Variants in NR2C2 observed in about 807,000 individuals in gnomAD.
The protein encoded by NR2C2 is Nuclear hormone receptor TR4.
Under a neutral mutation model 62.9 loss-of-function variants are expected in NR2C2, and 6 were observed. That is an observed-to-expected ratio of 0.10 (90% CI 0.05 to 0.19). The LOEUF is 0.19. NR2C2 is among the 10% of genes least tolerant of loss of function. NR2C2 has a pLI of 1.00. For missense variants in NR2C2, 479 were observed against 762.7 expected, an observed-to-expected ratio of 0.63 and a Z score of 4.38; for synonymous variants, 272 against 273.8, an observed-to-expected ratio of 0.99 and a Z score of 0.07.
intron 10 of NR2C2, among the ~76,000 whole-genome samples, chr3:15,032,734 T>C (rs931006498): frequency 6.6e-6 from 1 of 152,164 alleles, no homozygotes; most frequent in Non-Finnish European, 1.5e-5. Flanking sequence ...AAGGATTTGG[T>C]GCTAGGAGCT....
At chr3:14,968,058 C>T (rs936317635) in intron 1 of NR2C2, among the ~76,000 whole-genome samples, 4 of 152,156 alleles carry the variant, frequency 2.6e-5, no homozygotes, top group Non-Finnish European at 4.4e-5. Context: ...TAGGCATTAC[C>T]ATTCAGGACA....
At chr3:15,009,687 C>T (rs772570318) in intron 2 of NR2C2, among the ~76,000 whole-genome samples, 19 of 152,170 alleles carry the variant, frequency 1.2e-4, no homozygotes, top group Non-Finnish European at 2.4e-4. Context: ...AAATTTGCCT[C>T]TTGTATTAGT....
chr3:15,029,967 T>C (rs1345489197), intron 8 of NR2C2, among the ~76,000 whole-genome samples: 1 of 151,780 alleles, frequency 6.6e-6, no homozygotes, highest in Non-Finnish European at 1.5e-5. Context: ...AAGAAAGAAA[T>C]TGTCCATGAA....
At position 15,047,902 on chromosome 3, in the gene NR2C2, AAGC is replaced by A. The variant is rs2042512133; in HGVS notation, c.*4895_*4897del. On this transcript the variant is annotated 3_prime_UTR_variant, in exon 14 of 14. Transcript: ENST00000425241. ...TTAATATGGATATGTGTGCCCTTAA[AAGC>A]TACAGATACCAAATTTTCCTCGTCC... 1 of 152,226 alleles carries A rather than the reference AAGC, an allele frequency of 6.6e-6. No homozygotes were observed. Among genetic ancestry groups the A allele is most frequent in the Admixed American group, 6.5e-5 (1 of 15,278 alleles). The allele number at this position is 152,226 out of a possible 1,614,324, so 9.4% of individuals were successfully genotyped here.
intron 1 of NR2C2, among the ~76,000 whole-genome samples, chr3:14,950,558 T>C (rs2039324900): frequency 8.4e-6 from 1 of 119,040 alleles, no homozygotes. Context: ...ACCTCAGATA[T>C]TGGCTCAAGC....
intron 1 of NR2C2, among the ~76,000 whole-genome samples, chr3:14,954,825 G>A (rs1440921749): frequency 6.6e-6 from 1 of 151,772 alleles, no homozygotes; most frequent in Non-Finnish European, 1.5e-5. Flanking sequence ...GTTCATTTAC[G>A]ATTTGTGCCT....
intron 1 of NR2C2, among the ~76,000 whole-genome samples, chr3:14,955,772 C>T (rs1357204288): frequency 6.6e-6 from 1 of 152,184 alleles, no homozygotes; most frequent in Non-Finnish European, 1.5e-5. Flanking sequence ...TGAAGAAAGT[C>T]CACATCACCC....
chr3:15,046,436 G>C lies in NR2C2; in HGVS notation c.*3428G>C, dbSNP rs1434501417. On this transcript the variant is annotated 3_prime_UTR_variant, in exon 14 of 14. Coordinates refer to ENST00000425241, the MANE Select transcript of NR2C2 (RefSeq NM_001291694.2). Reference sequence around the variant, plus strand: ...TCTTACTTGTTTGGGGGATAGTTACGGCAAGGAGCAAAAAATTCTAAGGAC... The same window carrying C: ...TCTTACTTGTTTGGGGGATAGTTACCGCAAGGAGCAAAAAATTCTAAGGAC... 6.6e-6 allele frequency: 1 copy of C among 152,188 alleles called. No individual in the cohort carries two copies. The highest frequency in any genetic ancestry group is 1.5e-5 in the Non-Finnish European group (1 of 68,026). The allele number at this position is 152,188 out of a possible 1,614,324, so 9.4% of individuals were successfully genotyped here. A position where few individuals can be genotyped will look rare whatever the true frequency, so the allele number is the denominator to read the frequency against.
intron 1 of NR2C2, among the ~76,000 whole-genome samples, chr3:14,954,869 C>T (rs557585385): frequency 1.3e-5 from 2 of 152,252 alleles, no homozygotes; most frequent in African/African-American, 2.4e-5. Context: ...CTCCCTCTGC[C>T]GCCCAGGCCG....
At position 15,028,735 on chromosome 3, in the gene NR2C2, G is replaced by A. The variant is rs576071374; in HGVS notation, c.932+16G>A. 21 of 1,611,404 alleles carry A rather than the reference G, an allele frequency of 1.3e-5. No homozygotes were observed. The East Asian group carries it at 3.8e-4, about 29-fold the overall frequency. On this transcript the variant is annotated intron_variant, in intron 8 of 13. Coordinates refer to ENST00000425241, the MANE Select transcript of NR2C2 (RefSeq NM_001291694.2). ...AGATAACTCGGTACGAGCCCATGAG[G>A]ATGGAGTCTCCCCTCCTCGCCTGGA...
chr3:14,957,259 C>T (rs188236238), intron 1 of NR2C2, among the ~76,000 whole-genome samples: 15 of 151,608 alleles, frequency 9.9e-5, no homozygotes, highest in Admixed American at 4.6e-4. Context: ...TCACTCATTC[C>T]TATTAATGAA....
intron 2 of NR2C2, among the ~76,000 whole-genome samples, chr3:15,009,623 T>G (rs1559289300): frequency 6.6e-6 from 1 of 152,136 alleles, no homozygotes; most frequent in Non-Finnish European, 1.5e-5. Context: ...TCCCCCCAGT[T>G]TGTTATAGTT....
chr3:14,959,259 G>A (rs761918709), intron 1 of NR2C2: 17 of 152,028 alleles, frequency 1.1e-4, no homozygotes, highest in African/African-American at 1.9e-4. Context: ...AAATGTCCAC[G>A]CTGCCCCACT....
intron 1 of NR2C2, among the ~76,000 whole-genome samples, chr3:14,982,543 C>T (rs1321453584): frequency 6.6e-6 from 1 of 152,000 alleles, no homozygotes; most frequent in Admixed American, 6.6e-5. Flanking sequence ...AAATTAAGCA[C>T]GTCTTTATTT....
Position 14,947,709 on chromosome 3 carries a change from C to A in NR2C2, c.-237C>A. The A allele has an allele frequency of 6.7e-6, 1 of 149,154 alleles. No individual in the cohort carries two copies. Among genetic ancestry groups the A allele is most frequent in the South Asian group, 1.9e-4 (1 of 5,336 alleles). The allele number at this position is 149,154 out of a possible 1,614,324, so 9.2% of individuals were successfully genotyped here. On this transcript the variant is annotated 5_prime_UTR_variant, in exon 1 of 14. Transcript: ENST00000425241. ...CTTCTCCGCGACCCCGGCGGCGCCC[C>A]CGGGCCCGTCCCCGCCACCCCGCTC... is the stretch of plus-strand genomic sequence containing the variant.
intron 1 of NR2C2, among the ~76,000 whole-genome samples, chr3:14,953,413 T>C (rs1485911167): frequency 6.6e-6 from 1 of 152,126 alleles, no homozygotes; most frequent in Admixed American, 6.6e-5. Flanking sequence ...TCTTGGGGCC[T>C]GGAAAATGGG....
chr3:14,970,428 C>G (rs1206959252), intron 1 of NR2C2, among the ~76,000 whole-genome samples: 1 of 152,150 alleles, frequency 6.6e-6, no homozygotes, highest in African/African-American at 2.4e-5. Flanking sequence ...CCATCCATCT[C>G]TAGAACTTTT....
intron 1 of NR2C2, among the ~76,000 whole-genome samples, chr3:14,977,057 A>C (rs2125313677): frequency 6.6e-6 from 1 of 152,092 alleles, no homozygotes; most frequent in South Asian, 2.1e-4. Flanking sequence ...GTTCTTAGAT[A>C]ATTTCTTCCC....
At chr3:14,980,125 T>C (rs1337412259) in intron 1 of NR2C2, among the ~76,000 whole-genome samples, 2 of 152,046 alleles carry the variant, frequency 1.3e-5, no homozygotes, top group Non-Finnish European at 2.9e-5. Context: ...GGCTGAGTTG[T>C]TAAGATTCCT....
Sources: gnomAD v4.1 joint callset for allele counts (sites outside exome capture counted in the v4.1 genomes callset) on GRCh38, gnomAD v4.1.1 for gene constraint, MANE v1.5 for transcripts, NCBI Gene and HGNC (gene_info 2026-07-23, HGNC 2026-07-21) for gene names.